Variants in ETF1 observed in about 807,000 individuals in gnomAD.
ETF1 encodes the protein eukaryotic translation termination factor 1.
Under a neutral mutation model 55.1 loss-of-function variants are expected in ETF1, and 4 were observed. The ratio of observed to expected loss-of-function variants is 0.07; its 90% CI spans 0.04 to 0.17. The LOEUF (loss-of-function observed/expected upper bound fraction) is 0.17, where lower values mean the gene tolerates loss of function less well. Ranked by LOEUF, ETF1 falls within the 10% of genes least tolerant of loss-of-function variation. The probability of loss-of-function intolerance (pLI) is 1.00; values close to 1 mark genes in which losing one functional copy is unlikely to be tolerated. For missense variants in ETF1, 142 were observed against 523.6 expected, an observed-to-expected ratio of 0.27 and a Z score of 7.11; for synonymous variants, 157 against 182.3, an observed-to-expected ratio of 0.86 and a Z score of 1.12.
intron 2 of ETF1, 89 bp from the exon 3 acceptor site, chr5:138,518,956 T>A: frequency 6.4e-7 from 1 of 1,557,722 alleles, no homozygotes; most frequent in Non-Finnish European, 8.7e-7. Context: ...TACAGGGAGA[T>A]GCCCCAAAGT....
chr5:138,512,414 C>G (rs1471813083), intron 6 of ETF1, among the ~76,000 whole-genome samples: 3 of 150,758 alleles, frequency 2.0e-5, no homozygotes. Context: ...GAGAGCTTTG[C>G]TGCTATGTAT....
At chr5:138,542,613 C>A in intron 2 of ETF1, 1 of 1,418,742 alleles carries the variant, frequency 7.0e-7, no homozygotes, top group Non-Finnish European at 9.2e-7. Flanking sequence ...TGATCTAAAC[C>A]GGGGAGCGCG....
intron 5 of ETF1, 22 bp downstream of exon 5, chr5:138,513,546 T>G: frequency 3.2e-6 from 5 of 1,573,664 alleles, no homozygotes; most frequent in Non-Finnish European, 4.4e-6. Context: ...GTAAGTGGGT[T>G]CATGTTCTCC....
chr5:138,517,261 C>T (rs1387033482), intron 4 of ETF1, among the ~76,000 whole-genome samples: 1 of 152,028 alleles, frequency 6.6e-6, no homozygotes, highest in African/African-American at 2.4e-5. Flanking sequence ...ATCCCAGCTA[C>T]TCAGGAGGCT....
chr5:138,536,428 T>TC (rs1765934318), intron 2 of ETF1, among the ~76,000 whole-genome samples: 1 of 152,084 alleles, frequency 6.6e-6, no homozygotes. Context: ...GATAAAACCG[T>TC]ATCAGAGGGA....
chr5:138,526,757 G>T (rs1298607389), intron 2 of ETF1, among the ~76,000 whole-genome samples: 3 of 152,004 alleles, frequency 2.0e-5, no homozygotes, highest in Non-Finnish European at 2.9e-5. Context: ...CTGGAGTGCA[G>T]TGGTGCCATC....
At position 138,543,117 on chromosome 5, in the gene ETF1, G is replaced by A; in HGVS notation, c.-39C>T. ...CTTACCTAAGGGCCCAGTCCTGGGC[G>A]GCAGCGGCTGCTCCTCCCCGGCGGC... On this transcript the variant is annotated 5_prime_UTR_variant, in exon 1 of 11. Coordinates refer to ENST00000360541, the MANE Select transcript of ETF1 (RefSeq NM_004730.4). 1 of 603,338 alleles carries A rather than the reference G, an allele frequency of 1.7e-6. No individual in the cohort carries two copies. The highest frequency in any genetic ancestry group is 2.8e-6 in the Non-Finnish European group (1 of 350,952). The allele number at this position is 603,338 out of a possible 1,614,324, so 37.4% of individuals were successfully genotyped here.
intron 4 of ETF1, among the ~76,000 whole-genome samples, chr5:138,515,760 C>T (rs144662400): frequency 6.6e-5 from 10 of 152,292 alleles, no homozygotes; most frequent in Admixed American, 2.0e-4. Flanking sequence ...GATTCAAAAT[C>T]GGCTTTCATC....
chr5:138,514,997 A>G (rs1358134483), intron 4 of ETF1, among the ~76,000 whole-genome samples: 1 of 152,154 alleles, frequency 6.6e-6, no homozygotes, highest in African/African-American at 2.4e-5. Context: ...AAGTGCTGGG[A>G]TTACATAGGT....
chr5:138,538,707 A>G (rs1476201706), intron 2 of ETF1, among the ~76,000 whole-genome samples: 1 of 152,214 alleles, frequency 6.6e-6, no homozygotes, highest in Non-Finnish European at 1.5e-5. Context: ...TGCTTTGAGA[A>G]TATTATTTCC....
intron 2 of ETF1, among the ~76,000 whole-genome samples, chr5:138,525,397 C>G (rs1011113356): frequency 2.0e-5 from 3 of 151,518 alleles, no homozygotes; most frequent in African/African-American, 7.3e-5. Flanking sequence ...ACCTCGTGAT[C>G]CGCCTGCCTC....
intron 2 of ETF1, among the ~76,000 whole-genome samples, chr5:138,525,126 T>A (rs1370896627): frequency 6.6e-6 from 1 of 152,102 alleles, no homozygotes. Flanking sequence ...AATTCTAATT[T>A]TATCATGTTA....
chr5:138,542,518 C>CCCGAGTCGGGTGGCAGCAA, intron 2 of ETF1: 1 of 842,892 alleles, frequency 1.2e-6, no homozygotes, highest in Non-Finnish European at 1.6e-6. Flanking sequence ...GGTGGCAGCA[C>CCCGAGTCGGGTGGCAGCAA]CTGGAGCCCG....
intron 2 of ETF1, among the ~76,000 whole-genome samples, chr5:138,527,292 C>T (rs1039519230): frequency 1.2e-4 from 18 of 152,170 alleles, no homozygotes; most frequent in African/African-American, 3.4e-4. Flanking sequence ...AACTTCTGTG[C>T]TATTTTCCCC....
chr5:138,529,592 C>T (rs528465025), intron 2 of ETF1: 3 of 985,456 alleles, frequency 3.0e-6, no homozygotes, highest in Middle Eastern at 5.2e-4. Context: ...GGCCTCTGCA[C>T]TCAGATTCTC....
chr5:138,517,429 A>G (rs562910535), intron 4 of ETF1, 132 bp downstream of exon 4: 21 of 434,368 alleles, frequency 4.8e-5, no homozygotes, highest in East Asian at 4.8e-4. Flanking sequence ...CAGCACAAGC[A>G]TATCTATGGA....
At chr5:138,514,796 C>T (rs933412775) in intron 4 of ETF1, among the ~76,000 whole-genome samples, 1 of 152,088 alleles carries the variant, frequency 6.6e-6, no homozygotes, top group African/African-American at 2.4e-5. Flanking sequence ...CTTTATATCC[C>T]TTTATGCCTT....
chr5:138,536,142 C>T (rs929516199), intron 2 of ETF1, among the ~76,000 whole-genome samples: 7 of 152,128 alleles, frequency 4.6e-5, no homozygotes, highest in African/African-American at 1.7e-4. Flanking sequence ...TATTCATATA[C>T]CCAGATGTGT....
chr5:138,514,003 AT>A (rs1309973602), intron 4 of ETF1: 14 of 753,996 alleles, frequency 1.9e-5, no homozygotes, highest in Non-Finnish European at 2.1e-5. Flanking sequence ...TTATAGCAAT[AT>A]TACATACAGC....
Sources: allele counts gnomAD v4.1 joint callset (sites outside exome capture counted in the v4.1 genomes callset), GRCh38; gene constraint gnomAD v4.1.1; transcripts MANE v1.5; gene names NCBI Gene and HGNC (gene_info 2026-07-23, HGNC 2026-07-21).